AGBL4: variants seen among roughly 807,000 people sequenced by gnomAD.
The protein encoded by AGBL4 is AGBL carboxypeptidase 4, also known as cytosolic carboxypeptidase 6.
In AGBL4, 58 loss-of-function variants were observed where a neutral mutation model predicts 66.4. The ratio of observed to expected loss-of-function variants is 0.87; its 90% CI spans 0.71 to 1.09. AGBL4 has a LOEUF of 1.09. AGBL4 is among the 50% of genes least tolerant of loss of function. The pLI is 0.00. For synonymous variants in AGBL4, 234 were observed against 222.9 expected (o/e 1.05, Z -0.44); for missense variants, 579 against 631.0 (o/e 0.92, Z 0.88).
At chr1:49,927,734 C>T (rs1025507651) in intron 1 of AGBL4, among the ~76,000 whole-genome samples, 8 of 150,102 alleles carry the variant, frequency 5.3e-5, no homozygotes, top group East Asian at 3.9e-4. Flanking sequence ...TAGAAAATAG[C>T]GTCAACAGGA....
chr1:49,947,990 A>T (rs977700937), intron 1 of AGBL4, among the ~76,000 whole-genome samples: 149 of 53,718 alleles, frequency 2.8e-3, no homozygotes, highest in Middle Eastern at 0.012. Flanking sequence ...ATATATATTT[A>T]TATATATAAA....
At chr1:49,158,750 C>G (rs1444400995) in intron 4 of AGBL4, among the ~76,000 whole-genome samples, 2 of 151,640 alleles carry the variant, frequency 1.3e-5, no homozygotes, top group Non-Finnish European at 2.9e-5. Context: ...TCTGGGTGCT[C>G]CTATATTGGC....
intron 3 of AGBL4, among the ~76,000 whole-genome samples, chr1:49,432,200 A>G (rs895805728): frequency 1.3e-5 from 2 of 152,206 alleles, no homozygotes; most frequent in African/African-American, 4.8e-5. Flanking sequence ...GAAGGTCTTC[A>G]GGACTCAGAC....
intron 6 of AGBL4, among the ~76,000 whole-genome samples, chr1:48,684,008 T>C (rs1484137152): frequency 6.6e-6 from 1 of 152,228 alleles, no homozygotes; most frequent in African/African-American, 2.4e-5. Context: ...AGAAACATTA[T>C]TTCTCTGGCT....
chr1:49,413,219 G>T (rs1205874066), intron 3 of AGBL4, among the ~76,000 whole-genome samples: 2 of 152,144 alleles, frequency 1.3e-5, no homozygotes, highest in Non-Finnish European at 2.9e-5. Flanking sequence ...TTAGCACTGA[G>T]TAAGTAATCA....
chr1:49,591,162 G>A (rs1473766703), intron 3 of AGBL4, among the ~76,000 whole-genome samples: 27 of 151,812 alleles, frequency 1.8e-4, no homozygotes, highest in Admixed American at 1.8e-3. Context: ...GAGATTAGGT[G>A]GGAGGCAACC....
At position 50,013,572 on chromosome 1, in the gene AGBL4, G is replaced by A. The variant is rs575275910; in HGVS notation, c.34+10191C>T. 2.6e-4 allele frequency among the ~76,000 whole-genome samples: 39 copies of A among 152,252 alleles called. No homozygotes were observed. The South Asian group carries it at 5.0e-3, about 19-fold the overall frequency. On this transcript the variant is annotated intron_variant, in intron 1 of 13. Transcript: ENST00000371839. Reference sequence around the variant, plus strand: ...TTAGTAAGCTGCAAAAAGTTTACTAGCATTTCCCATAATCACTGCTATTCT... The same window carrying A: ...TTAGTAAGCTGCAAAAAGTTTACTAACATTTCCCATAATCACTGCTATTCT...
chr1:48,841,209 C>A (rs1646790783), intron 6 of AGBL4, among the ~76,000 whole-genome samples: 1 of 151,954 alleles, frequency 6.6e-6, no homozygotes, highest in Non-Finnish European at 1.5e-5. Flanking sequence ...CAAATATATA[C>A]CTGTGTTAAA....
intron 5 of AGBL4, among the ~76,000 whole-genome samples, chr1:49,040,868 A>G (rs1382080606): frequency 6.6e-6 from 1 of 152,114 alleles, no homozygotes; most frequent in East Asian, 1.9e-4. Flanking sequence ...TATAAAAATC[A>G]TAAGGTACTA....
At chr1:48,668,883 A>G (rs1024743122) in intron 6 of AGBL4, among the ~76,000 whole-genome samples, 1 of 152,222 alleles carries the variant, frequency 6.6e-6, no homozygotes, top group Non-Finnish European at 1.5e-5. Flanking sequence ...GGTTTAGGAG[A>G]TATCAATAGA....
intron 1 of AGBL4, among the ~76,000 whole-genome samples, chr1:49,905,183 GT>G (rs1446853758): frequency 6.6e-6 from 1 of 152,050 alleles, no homozygotes; most frequent in Non-Finnish European, 1.5e-5. Flanking sequence ...CTTCACAAAT[GT>G]TTCTCTAATA....
In AGBL4 at chr1:49,384,179, GT is replaced by G. The variant is rs1199860397; in HGVS notation, c.283-138316del. ...GGCAACCAATGGAATGGCAGAAAAT[GT>G]TTGCAAACCATATATCTAATATGGA... On this transcript the variant is annotated intron_variant, in intron 3 of 13. Coordinates refer to ENST00000371839, the MANE Select transcript of AGBL4 (RefSeq NM_032785.4). 2.0e-5 allele frequency among the ~76,000 whole-genome samples: 3 copies of G among 152,072 alleles called. No homozygotes were observed. In the East Asian group the frequency reaches 5.8e-4, roughly 29 times the overall value.
At chr1:49,697,946 A>C (rs923270504) in intron 2 of AGBL4, among the ~76,000 whole-genome samples, 4 of 152,180 alleles carry the variant, frequency 2.6e-5, no homozygotes, top group African/African-American at 7.2e-5. Flanking sequence ...ATGTACAGTA[A>C]GGTTTTAAAC....
chr1:49,227,195 T>G (rs1649979088), intron 4 of AGBL4, among the ~76,000 whole-genome samples: 1 of 152,240 alleles, frequency 6.6e-6, no homozygotes, highest in Non-Finnish European at 1.5e-5. Context: ...AAATAATATT[T>G]GTTCCCTCTA....
intron 3 of AGBL4, among the ~76,000 whole-genome samples, chr1:49,420,972 C>A (rs546672171): frequency 4.7e-4 from 72 of 152,200 alleles, no homozygotes; most frequent in African/African-American, 1.2e-3. Context: ...AGGTACAGAG[C>A]AATGCTAGAA....
intron 3 of AGBL4, among the ~76,000 whole-genome samples, chr1:49,260,344 C>T (rs1328896841): frequency 6.6e-6 from 1 of 150,652 alleles, no homozygotes; most frequent in Non-Finnish European, 1.5e-5. Context: ...ACAAAAAACC[C>T]TTCAAAAAAT....
intron 2 of AGBL4, among the ~76,000 whole-genome samples, chr1:49,842,642 A>AAAT (rs1241660266): frequency 2.6e-5 from 4 of 152,128 alleles, no homozygotes; most frequent in Admixed American, 6.5e-5. Context: ...TAAATCGGTA[A>AAAT]AATAATAATA....
intron 5 of AGBL4, among the ~76,000 whole-genome samples, chr1:48,990,338 G>C (rs1255582761): frequency 2.0e-5 from 3 of 152,012 alleles, no homozygotes; most frequent in Non-Finnish European, 4.4e-5. Flanking sequence ...TTTATGGGTT[G>C]TCTCTTCACT....
chr1:48,943,737 C>T (rs1656210219), intron 5 of AGBL4, among the ~76,000 whole-genome samples: 1 of 151,708 alleles, frequency 6.6e-6, no homozygotes, highest in Admixed American at 6.6e-5. Flanking sequence ...GCACAATGGG[C>T]TAACGGAGTC....
Sources: allele counts gnomAD v4.1 joint callset (sites outside exome capture counted in the v4.1 genomes callset), GRCh38; gene constraint gnomAD v4.1.1; transcripts MANE v1.5; gene names NCBI Gene and HGNC (gene_info 2026-07-23, HGNC 2026-07-21).